GLCE: variants seen among roughly 807,000 people sequenced by gnomAD.
GLCE encodes D-glucuronyl C5-epimerase.
In GLCE, 19 loss-of-function variants were observed where a neutral mutation model predicts 47.9. That is an observed-to-expected ratio of 0.40 (90% confidence interval 0.28 to 0.58). The LOEUF is 0.58. Among genes scored for constraint, GLCE ranks in the 20% least tolerant of loss-of-function variants. The pLI, the probability that GLCE is intolerant of heterozygous loss-of-function variation, is 0.48. For missense variants in GLCE, 556 were observed against 743.3 expected, an observed-to-expected ratio of 0.75 and a Z score of 2.93; for synonymous variants, 245 against 263.4, an observed-to-expected ratio of 0.93 and a Z score of 0.68.
At chr15:69,260,252 G>GCTTTTTTTTTTTTTTTTTTTTTTTT (rs57452657) in intron 3 of GLCE, among the ~76,000 whole-genome samples, 1 of 79,224 alleles carries the variant, frequency 1.3e-5, no homozygotes, top group African/African-American at 4.3e-5. Context: ...GTCACAACTG[G>GCTTTTTTTTTTTTTTTTTTTTTTTT]TTTTTTTTTT....
chr15:69,198,921 T>A (rs1447385598), intron 1 of GLCE, among the ~76,000 whole-genome samples: 1 of 152,086 alleles, frequency 6.6e-6, no homozygotes, highest in Non-Finnish European at 1.5e-5. Context: ...ACACAACATG[T>A]GACTATCAGA....
intron 1 of GLCE, among the ~76,000 whole-genome samples, chr15:69,189,315 T>C (rs573896875): frequency 6.6e-6 from 1 of 152,312 alleles, no homozygotes; most frequent in South Asian, 2.1e-4. Flanking sequence ...TTGGCTTCTT[T>C]CACGTAGTAA....
chr15:69,247,010 T>G (rs1377740395), intron 2 of GLCE, among the ~76,000 whole-genome samples: 4 of 152,172 alleles, frequency 2.6e-5, no homozygotes, highest in Non-Finnish European at 5.9e-5. Context: ...AGAGTAGATT[T>G]AGCATAATTC....
intron 2 of GLCE, among the ~76,000 whole-genome samples, chr15:69,221,699 C>T (rs2140390128): frequency 6.6e-6 from 1 of 151,914 alleles, no homozygotes; most frequent in Non-Finnish European, 1.5e-5. Flanking sequence ...CCCGTCTCTA[C>T]TAAAAATACA....
chr15:69,242,831 A>C (rs955873267), intron 2 of GLCE, among the ~76,000 whole-genome samples: 7 of 151,852 alleles, frequency 4.6e-5, no homozygotes, highest in African/African-American at 1.5e-4. Context: ...GTGTTGCTTG[A>C]GTTCAGAAGT....
At chr15:69,208,491 T>C (rs1044906975) in intron 1 of GLCE, among the ~76,000 whole-genome samples, 2 of 152,080 alleles carry the variant, frequency 1.3e-5, no homozygotes, top group Non-Finnish European at 1.5e-5. Context: ...TTTCCATTGA[T>C]TGATCTCTCC....
At chr15:69,172,944 G>A (rs750810170) in intron 1 of GLCE, among the ~76,000 whole-genome samples, 2 of 152,098 alleles carry the variant, frequency 1.3e-5, no homozygotes, top group African/African-American at 2.4e-5. Context: ...GATAAAGACC[G>A]GCCTATAGTT....
At chr15:69,260,993 A>G in intron 3 of GLCE, 94 bp from the exon 4 acceptor site, 2 of 1,200,816 alleles carry the variant, frequency 1.7e-6, no homozygotes, top group Non-Finnish European at 2.4e-6. Context: ...ATAACCCTGT[A>G]AGATCCCCCA....
chr15:69,178,053 C>G (rs747301344), intron 1 of GLCE, among the ~76,000 whole-genome samples: 9 of 152,072 alleles, frequency 5.9e-5, no homozygotes, highest in African/African-American at 2.2e-4. Context: ...AAAGCTGTTA[C>G]GAATATTAGT....
At chr15:69,245,829 A>C (rs1219962680) in intron 2 of GLCE, among the ~76,000 whole-genome samples, 3 of 152,056 alleles carry the variant, frequency 2.0e-5, no homozygotes, top group African/African-American at 7.2e-5. Flanking sequence ...CCTGGGTTCA[A>C]GCAATTCTCC....
At chr15:69,178,818 C>G (rs965865595) in intron 1 of GLCE, among the ~76,000 whole-genome samples, 4 of 151,952 alleles carry the variant, frequency 2.6e-5, no homozygotes, top group Admixed American at 1.3e-4. Context: ...TATCTTTGCT[C>G]TTTATAGTAT....
At chr15:69,232,452 C>CGT (rs35924437) in intron 2 of GLCE, among the ~76,000 whole-genome samples, 77,979 of 150,836 alleles carry the variant, frequency 0.52, 23,313 homozygotes, top group Admixed American at 0.65. Flanking sequence ...CTACATGAAT[C>CGT]GTGTGTGTGT....
intron 1 of GLCE, among the ~76,000 whole-genome samples, chr15:69,187,457 A>G (rs1196606825): frequency 3.9e-5 from 6 of 152,184 alleles, no homozygotes; most frequent in Non-Finnish European, 8.8e-5. Context: ...CCATTTTACA[A>G]AAGGAAACAT....
intron 1 of GLCE, among the ~76,000 whole-genome samples, chr15:69,202,009 T>A (rs1016181320): frequency 6.6e-6 from 1 of 152,052 alleles, no homozygotes; most frequent in African/African-American, 2.4e-5. Flanking sequence ...AGCCTTGACC[T>A]CCTCAGCTCA....
chr15:69,261,129 A>G lies in GLCE; in HGVS notation c.629A>G (p.Tyr210Cys). 1 of 1,613,490 alleles carries G rather than the reference A, an allele frequency of 6.2e-7. No homozygotes were observed. Among genetic ancestry groups the G allele is most frequent in the East Asian group, 2.2e-5 (1 of 44,862 alleles). Reference sequence around the variant, plus strand: ...CAATGGGGACCTCAAGGCTATTTCTATCCAATCCAGATTGCACAGTATGGA... The same window carrying G: ...CAATGGGGACCTCAAGGCTATTTCTGTCCAATCCAGATTGCACAGTATGGA... ...STQWGPQGYF[Y>C]PIQIAQYGLS... The change falls in exon 4 of 5, where the codon TAT becomes TGT. Residue 210 changes from tyrosine to cysteine, a missense_variant. Tyr to Cys is a radical substitution (Grantham distance 194). This residue lies in a region of GLCE where 237 missense variants were observed against 310.9 expected (regional missense o/e 0.76). Transcript: ENST00000261858.
chr15:69,268,352 T>C lies in GLCE; in HGVS notation c.962T>C (p.Ile321Thr). 1 of 1,614,074 alleles carries C rather than the reference T, an allele frequency of 6.2e-7. No homozygotes were observed. Among genetic ancestry groups the C allele is most frequent in the Non-Finnish European group, 8.5e-7 (1 of 1,179,908 alleles). ...ACAGAAAAGAATCAGCTCTTCACTA[T>C]ACATTATGTCTCAAATGCTCAGCTA... is the stretch of plus-strand genomic sequence containing the variant. ...ETTEKNQLFTIHYVSNAQLIA... is the reference protein window; with the variant it reads ...ETTEKNQLFTTHYVSNAQLIA... Residue 321 changes from isoleucine (I) to threonine (T), a missense_variant, in exon 5 of 5, where the codon ATA (isoleucine) becomes ACA (threonine). Around this residue, in one of 3 missense-constraint regions of GLCE, gnomAD observed 245 missense variants for 368.1 expected, o/e 0.67. Transcript: ENST00000261858.
chr15:69,240,603 C>G (rs1367702355), intron 2 of GLCE, among the ~76,000 whole-genome samples: 1 of 151,636 alleles, frequency 6.6e-6, no homozygotes, highest in African/African-American at 2.4e-5. Flanking sequence ...TAAGTACGGC[C>G]TATAGGATGG....
intron 2 of GLCE, among the ~76,000 whole-genome samples, chr15:69,226,896 C>T (rs905391748): frequency 4.6e-5 from 7 of 151,824 alleles, no homozygotes; most frequent in African/African-American, 1.7e-4. Context: ...AGGCGCCCAC[C>T]ACCACACTCA....
chr15:69,242,435 T>C (rs1275255703), intron 2 of GLCE, among the ~76,000 whole-genome samples: 1 of 152,124 alleles, frequency 6.6e-6, no homozygotes, highest in Non-Finnish European at 1.5e-5. Flanking sequence ...ATATTTTTAT[T>C]TTCCTCAGTA....
Sources: allele counts gnomAD v4.1 joint callset (sites outside exome capture counted in the v4.1 genomes callset), GRCh38; gene constraint gnomAD v4.1.1; regional missense constraint gnomAD v4.1.1; transcripts MANE v1.5; gene names NCBI Gene and HGNC (gene_info 2026-07-23, HGNC 2026-07-21).